Variants in PLXNA1 observed in about 807,000 individuals in gnomAD.
The protein encoded by PLXNA1 is plexin-A1.
Under a neutral mutation model 191.7 loss-of-function variants are expected in PLXNA1, and 77 were observed. The observed-to-expected ratio is 0.40, with a 90% CI of 0.33 to 0.49. The LOEUF is 0.49. Ranked by LOEUF, PLXNA1 falls within the 20% of genes least tolerant of loss-of-function variation. PLXNA1 has a pLI of 0.63. For synonymous variants in PLXNA1, 1,137 were observed against 1,156.4 expected, an observed-to-expected ratio of 0.98 and a Z score of 0.34; for missense variants, 2,110 against 2,660.2, an observed-to-expected ratio of 0.79 and a Z score of 4.55.
intron 25 of PLXNA1, chr3:127,028,706 T>C: frequency 1.8e-6 from 1 of 541,538 alleles, no homozygotes; most frequent in Non-Finnish European, 3.3e-6. Flanking sequence ...CTGGAGAGGC[T>C]GGGTCCCCAC....
intron 9 of PLXNA1, among the ~76,000 whole-genome samples, chr3:127,011,491 C>CCT (rs1324158806): frequency 6.6e-6 from 1 of 152,252 alleles, no homozygotes; most frequent in African/African-American, 2.4e-5. Flanking sequence ...GGGGCCATCT[C>CCT]CTGAGGCCAG....
At chr3:127,028,476 G>A (rs533318761) in intron 25 of PLXNA1, 136 bp downstream of exon 25, 31 of 989,042 alleles carry the variant, frequency 3.1e-5, no homozygotes, top group East Asian at 2.6e-4. Flanking sequence ...GTGGAATGGC[G>A]AGTGGGCTGT....
Position 127,012,063 on chromosome 3 carries a change from C to G in PLXNA1, c.2218C>G (p.Arg740Gly), listed in dbSNP as rs1441511872. The change falls in exon 10 of 32, where the codon CGT (arginine) becomes GGT (glycine). Residue 740 changes from arginine to glycine, a missense_variant. Around this residue, in one of 4 missense-constraint regions of PLXNA1, gnomAD observed 4 missense variants for 18.7 expected, o/e 0.21. Transcript: ENST00000393409. ...CCTGCCACAGCCACAGTCAGGCCAG[C>G]GTGGATATGAGTGCCTCTTCCACAT... ...RNLPQPQSGQ[R>G]GYECLFHIPG... is the part of the protein sequence containing the mutation. 3 of 1,613,730 alleles carry G rather than the reference C, an allele frequency of 1.9e-6. No homozygotes were observed. Among genetic ancestry groups the G allele is most frequent in the African/African-American group, 2.7e-5 (2 of 74,958 alleles).
intron 17 of PLXNA1, 83 bp from the exon 18 acceptor site, chr3:127,017,342 C>T: frequency 3.9e-6 from 6 of 1,526,126 alleles, no homozygotes; most frequent in Non-Finnish European, 4.4e-6. Flanking sequence ...GAGCAGGCAG[C>T]CCCCAGGCCA....
rs1559950646 is a variant in PLXNA1 at position 126,983,248 on chromosome 3, G to A, written c.-113G>A. Among the ~76,000 whole-genome samples the A allele has an allele frequency of 1.4e-5, 2 of 143,698 alleles. No homozygotes were observed. The highest frequency in any genetic ancestry group is 3.1e-5 in the Non-Finnish European group (2 of 64,906). 94.3% of individuals were successfully genotyped at this position (143,698 alleles called of 152,430 possible). On this transcript the variant is annotated 5_prime_UTR_variant, in exon 1 of 32. Coordinates refer to ENST00000393409, the MANE Select transcript of PLXNA1 (RefSeq NM_032242.4). ...GCGGCGGCGGCGCGGGCGGCTGGGCGCGGCGATGGCCGGCGGCGGGGCGCG... is the reference window on the plus strand; with the variant it reads ...GCGGCGGCGGCGCGGGCGGCTGGGCACGGCGATGGCCGGCGGCGGGGCGCG...
intron 22 of PLXNA1, 31 bp from the exon 23 acceptor site, chr3:127,022,720 AC>A: frequency 1.9e-6 from 3 of 1,601,546 alleles, no homozygotes; most frequent in Non-Finnish European, 2.6e-6. Flanking sequence ...AGCTGGAATG[AC>A]ACCACTCTGC....
In PLXNA1 at chr3:127,028,007, T is replaced by C. The variant is rs1195456566; in HGVS notation, c.4430T>C (p.Ile1477Thr). 4 of 1,613,874 alleles carry C rather than the reference T, an allele frequency of 2.5e-6. No homozygotes were observed. Among genetic ancestry groups the C allele is most frequent in the African/African-American group, 1.3e-5 (1 of 74,912 alleles). ...AIKQQMEKGPIDAITGEARYS... is the reference protein window; with the variant it reads ...AIKQQMEKGPTDAITGEARYS... ...AAGCAGCAGATGGAGAAGGGCCCCA[T>C]TGACGCCATCACGGGTGAGGCACGC... Residue 1477 changes from isoleucine to threonine, a missense_variant, in exon 24 of 32, where the codon ATT becomes ACT. Around this residue, in one of 4 missense-constraint regions of PLXNA1, gnomAD observed 559 missense variants for 911.5 expected, o/e 0.61. Coordinates refer to ENST00000393409, the MANE Select transcript of PLXNA1 (RefSeq NM_032242.4).
intron 7 of PLXNA1, among the ~76,000 whole-genome samples, chr3:127,005,673 T>G (rs2079064184): frequency 7.3e-6 from 1 of 136,582 alleles, no homozygotes; most frequent in African/African-American, 2.8e-5. Flanking sequence ...GGCGGAGACC[T>G]GGGGTCTTGC....
Position 127,032,579 on chromosome 3 carries a change from C to G in PLXNA1, c.5424C>G (p.Asn1808Lys). Residue 1808 changes from asparagine (N) to lysine (K), a missense_variant, in exon 30 of 32, where the codon AAC becomes AAG. Physicochemically the swap from Asn to Lys is moderately conservative, Grantham distance 94. Around this residue, in one of 4 missense-constraint regions of PLXNA1, gnomAD observed 559 missense variants for 911.5 expected, o/e 0.61. Coordinates refer to ENST00000393409, the MANE Select transcript of PLXNA1 (RefSeq NM_032242.4). The stretch of plus-strand genomic sequence containing the variant: ...TGCTCTACGCCAAGGACATCCCCAA[C>G]TACAAGAGCTGGGTGGAGAGGTAGG... ...NKLLYAKDIP[N>K]YKSWVERYYA... is the part of the protein sequence containing the mutation. 6.2e-7 allele frequency: 1 copy of G among 1,613,890 alleles called. No homozygotes were observed. Among genetic ancestry groups the G allele is most frequent in the Non-Finnish European group, 8.5e-7 (1 of 1,179,962 alleles).
At chr3:126,983,360 CG>C (rs2078940371) in intron 1 of PLXNA1, among the ~76,000 whole-genome samples, 73 bp downstream of exon 1, 1 of 144,382 alleles carries the variant, frequency 6.9e-6, no homozygotes. Flanking sequence ...GGTCCGGGGC[CG>C]GGCGGCCCGT....
chr3:127,016,514 C>T lies in PLXNA1; in HGVS notation c.3015-3C>T. ...CCTCACTGTCCCACTCGGGCACCTC[C>T]AGGAGGAACTCCCGTGAGATCCGGT... On this transcript the variant is annotated splice_region_variant and splice_polypyrimidine_tract_variant and intron_variant, in intron 15 of 31. Transcript: ENST00000393409. The T allele has an allele frequency of 1.9e-6, 3 of 1,613,470 alleles. No homozygotes were observed. The highest frequency in any genetic ancestry group is 2.5e-6 in the Non-Finnish European group (3 of 1,179,878).
intron 1 of PLXNA1, among the ~76,000 whole-genome samples, chr3:126,984,674 C>T (rs2078948791): frequency 6.6e-6 from 1 of 152,068 alleles, no homozygotes; most frequent in Non-Finnish European, 1.5e-5. Context: ...ACAGCATGGG[C>T]GGAGGCCTGG....
At position 127,017,002 on chromosome 3, in the gene PLXNA1, A is replaced by G. The variant is rs2079127233; in HGVS notation, c.3241A>G (p.Ile1081Val). 1.9e-6 allele frequency: 3 copies of G among 1,613,472 alleles called. No homozygotes were observed. Among genetic ancestry groups the G allele is most frequent in the Non-Finnish European group, 1.7e-6 (2 of 1,179,938 alleles). Residue 1081 changes from isoleucine (I) to valine (V), a missense_variant, in exon 17 of 32, where the codon ATC becomes GTC. Ile to Val is a conservative substitution (Grantham distance 29). Transcript: ENST00000393409. ...TNLATVREPR[I>V]RAKYGGIERE... ...CCTGGCCACTGTCCGTGAACCCCGA[A>G]TCCGGGCCAAGTATGGAGGCATTGA...
intron 9 of PLXNA1, among the ~76,000 whole-genome samples, chr3:127,008,991 G>A (rs1384809822): frequency 2.0e-5 from 3 of 152,180 alleles, no homozygotes; most frequent in South Asian, 4.1e-4. Flanking sequence ...CTCTGGGGGT[G>A]CGGCCTGCCT....
chr3:127,014,591 G>C lies in PLXNA1; in HGVS notation c.2718G>C (p.Leu906=). Residue 906 remains leucine, a synonymous_variant, in exon 13 of 32, where the codon CTG becomes CTC. Transcript: ENST00000393409. ...VRLGVRVGKV[L]CSPVESEYIS... ...TGGGCGTGCGCGTGGGCAAGGTGCT[G>C]TGCAGCCCTGTGGAGAGCGAGTACA... 6.2e-7 allele frequency: 1 copy of C among 1,613,230 alleles called. No homozygotes were observed. The highest frequency in any genetic ancestry group is 8.5e-7 in the Non-Finnish European group (1 of 1,179,870).
intron 23 of PLXNA1, among the ~76,000 whole-genome samples, chr3:127,023,748 G>A (rs2079163432): frequency 6.6e-6 from 1 of 152,174 alleles, no homozygotes; most frequent in African/African-American, 2.4e-5. Flanking sequence ...AGACATCCTC[G>A]CTGCCGGGAG....
Position 127,006,168 on chromosome 3 carries a change from G to A in PLXNA1, c.1987G>A (p.Val663Ile), listed in dbSNP as rs756328115. 21 of 1,613,168 alleles carry A rather than the reference G, an allele frequency of 1.3e-5. No individual in the cohort carries two copies. The highest frequency in any genetic ancestry group is 3.3e-5 in the Admixed American group (2 of 60,012). ...SVDFVFYNCS[V>I]HQSCLSCVNG... ...GGACTTCGTCTTCTACAACTGCAGC[G>A]TCCACCAGTCGTGAGTGTCTCTAGG... Residue 663 changes from valine (V) to isoleucine (I), a missense_variant, in exon 8 of 32, where the codon GTC becomes ATC. Around this residue, in one of 4 missense-constraint regions of PLXNA1, gnomAD observed 903 missense variants for 1,015.7 expected, o/e 0.89. Coordinates refer to ENST00000393409, the MANE Select transcript of PLXNA1 (RefSeq NM_032242.4).
chr3:127,013,145 C>T (rs1235216299), intron 10 of PLXNA1, among the ~76,000 whole-genome samples: 1 of 152,168 alleles, frequency 6.6e-6, no homozygotes, highest in Non-Finnish European at 1.5e-5. Flanking sequence ...GAGGATCACT[C>T]CTGGCCACCA....
chr3:127,028,012 G>A lies in PLXNA1; in HGVS notation c.4435G>A (p.Ala1479Thr), dbSNP rs1481967709. The change falls in exon 24 of 32, where the codon GCC becomes ACC. Residue 1479 changes from alanine to threonine, a missense_variant. By Grantham distance (58) the Ala-to-Thr change is moderately conservative. Transcript: ENST00000393409. ...GCAGATGGAGAAGGGCCCCATTGAC[G>A]CCATCACGGGTGAGGCACGCTACTC... ...KQQMEKGPID[A>T]ITGEARYSLS... The A allele has an allele frequency of 5.0e-6, 8 of 1,614,006 alleles. 1 individual carries two copies. The South Asian group carries it at 5.5e-5, about 11-fold the overall frequency.
Sources: gnomAD v4.1 joint callset for allele counts (sites outside exome capture counted in the v4.1 genomes callset) on GRCh38, gnomAD v4.1.1 for gene constraint, gnomAD v4.1.1 regional missense constraint, MANE v1.5 for transcripts, NCBI Gene and HGNC (gene_info 2026-07-23, HGNC 2026-07-21) for gene names.